The following RBM19 variants were observed in gnomAD, a reference collection of about 807,000 sequenced individuals.
RBM19 encodes RNA binding motif protein 19.
Under a neutral mutation model 116.8 loss-of-function variants are expected in RBM19, and 94 were observed. That is an observed-to-expected ratio of 0.80 (90% CI 0.68 to 0.95). The LOEUF is 0.95. Among genes scored for constraint, RBM19 ranks in the 40% least tolerant of loss-of-function variants. The probability of loss-of-function intolerance (pLI) is 0.00; values close to 1 mark genes in which losing one functional copy is unlikely to be tolerated. For synonymous variants in RBM19, 475 were observed against 494.1 expected (o/e 0.96, Z 0.51); for missense variants, 1,161 against 1,220.7 (o/e 0.95, Z 0.73).
intron 6 of RBM19, 96 bp from the exon 7 acceptor site, chr12:113,955,307 G>A: frequency 1.6e-6 from 2 of 1,214,342 alleles, no homozygotes; most frequent in Non-Finnish European, 1.2e-6. Flanking sequence ...CAGAGAAGGT[G>A]CCTGCCGCCA....
chr12:113,848,440 G>A (rs972651427), intron 22 of RBM19, among the ~76,000 whole-genome samples: 2 of 152,216 alleles, frequency 1.3e-5, no homozygotes, highest in East Asian at 3.8e-4. Context: ...GGCAGTGTGA[G>A]GACAGTGATT....
Position 113,960,045 on chromosome 12 carries a change from G to A in RBM19, c.339+14C>T. 1.2e-6 allele frequency: 2 copies of A among 1,614,200 alleles called. No homozygotes were observed. The highest frequency in any genetic ancestry group is 1.7e-6 in the Non-Finnish European group (2 of 1,180,026). ...TGGCAGTGGGGACAGAGGCTAGAGT[G>A]ACCCTTTACATACTTTCTTAATTTC... On this transcript the variant is annotated intron_variant, in intron 3 of 23. Coordinates refer to ENST00000261741, the MANE Select transcript of RBM19 (RefSeq NM_016196.4).
rs907957893 is a variant in RBM19 at position 113,951,549 on chromosome 12, A to C, written c.1000+963T>G. Reference sequence around the variant, plus strand: ...CACACACACACACAAACACACACACACTCACACACACAAACAAACTGAGGC... The same window carrying C: ...CACACACACACACAAACACACACACCCTCACACACACAAACAAACTGAGGC... On this transcript the variant is annotated intron_variant, in intron 8 of 23. Coordinates refer to ENST00000261741, the MANE Select transcript of RBM19 (RefSeq NM_016196.4). 2.0e-5 allele frequency among the ~76,000 whole-genome samples: 3 copies of C among 150,702 alleles called. No individual in the cohort carries two copies. In the East Asian group the frequency reaches 5.9e-4, roughly 30 times the overall value.
At chr12:113,905,296 C>A (rs910231996) in intron 21 of RBM19, among the ~76,000 whole-genome samples, 20 of 152,160 alleles carry the variant, frequency 1.3e-4, no homozygotes, top group African/African-American at 4.8e-4. Context: ...CAGAAGCAGA[C>A]CCTCACACAC....
chr12:113,873,707 A>AAG (rs71089420), intron 21 of RBM19, among the ~76,000 whole-genome samples: 1 of 147,152 alleles, frequency 6.8e-6, no homozygotes, highest in East Asian at 2.0e-4. Context: ...AAAAAAAAAA[A>AAG]GAAAAGGCAC....
At chr12:113,849,937 G>A (rs1365837720) in intron 22 of RBM19, among the ~76,000 whole-genome samples, 1 of 152,134 alleles carries the variant, frequency 6.6e-6, no homozygotes, top group Non-Finnish European at 1.5e-5. Flanking sequence ...TGGGAGACTG[G>A]AGGAAAGAGG....
rs1371112124 is a variant in RBM19, at chr12:113,927,162, C to T, written c.2136G>A (p.Lys712=). Residue 712 remains lysine (K), a synonymous_variant, in exon 17 of 24, where the codon AAG becomes AAA. Transcript: ENST00000261741. ...TEEGADNSSA[K]MEEEEEEEEE... is the part of the protein sequence containing the mutation. ...CCTCTTCCTCCTCCTCCTCTTCCAT[C>T]TTTGCTGAAGAGTTGTCTGCTCCTT... 2.5e-6 allele frequency: 4 copies of T among 1,602,498 alleles called. No homozygotes were observed. The highest frequency in any genetic ancestry group is 3.4e-6 in the Non-Finnish European group (4 of 1,174,140).
chr12:113,933,435 C>T (rs1375468947), intron 16 of RBM19, among the ~76,000 whole-genome samples: 1 of 152,150 alleles, frequency 6.6e-6, no homozygotes, highest in Non-Finnish European at 1.5e-5. Flanking sequence ...CAGGAGGAGG[C>T]CCTGGAGATC....
chr12:113,837,079 C>CTACATACA (rs59581128), intron 23 of RBM19, among the ~76,000 whole-genome samples: 23,064 of 136,142 alleles, frequency 0.17, 2,515 homozygotes, highest in Middle Eastern at 0.31. Flanking sequence ...CCCCTACTTA[C>CTACATACA]TACATACATA....
At position 113,858,852 on chromosome 12, in the gene RBM19, G is replaced by C. The variant is rs746546423; in HGVS notation, c.2603C>G (p.Thr868Ser). Residue 868 changes from threonine (T) to serine (S), a missense_variant, in exon 22 of 24, where the codon ACT (threonine) becomes AGT (serine). Thr to Ser is a moderately conservative substitution (Grantham distance 58). Coordinates refer to ENST00000261741, the MANE Select transcript of RBM19 (RefSeq NM_016196.4). Reference protein sequence around the residue: ...LKTVRLPKKMTGTGTHRGFGF... With the variant: ...LKTVRLPKKMSGTGTHRGFGF... The stretch of plus-strand genomic sequence containing the variant: ...GAAGCCTCTGTGTGTGCCTGTCCCA[G>C]TCATCTTCTTTGGCAGGCGGACCGT... The C allele has an allele frequency of 6.2e-7, 1 of 1,614,166 alleles. No individual in the cohort carries two copies. Among genetic ancestry groups the C allele is most frequent in the Non-Finnish European group, 8.5e-7 (1 of 1,180,040 alleles).
chr12:113,854,329 G>A (rs969600417), intron 22 of RBM19, among the ~76,000 whole-genome samples: 1 of 152,098 alleles, frequency 6.6e-6, no homozygotes, highest in Non-Finnish European at 1.5e-5. Context: ...TCCAGGTCGT[G>A]TGGTCCCCTG....
chr12:113,951,547 ACACT>A (rs762145925), intron 8 of RBM19, among the ~76,000 whole-genome samples: 3 of 151,120 alleles, frequency 2.0e-5, no homozygotes, highest in Non-Finnish European at 4.4e-5. Flanking sequence ...AAACACACAC[ACACT>A]CACACACACA....
chr12:113,960,662 G>T lies in RBM19; in HGVS notation c.220-484C>A, dbSNP rs1039872297. Among the ~76,000 whole-genome samples, 7 of 152,164 alleles carry T rather than the reference G, an allele frequency of 4.6e-5. No individual in the cohort carries two copies. In the South Asian group the frequency reaches 8.3e-4, roughly 18 times the overall value. ...ACTCTACCGGGCGGCTGTGAGGATGGCATGAGATGACCTGGGCCAAGCACT... is the reference window on the plus strand; with the variant it reads ...ACTCTACCGGGCGGCTGTGAGGATGTCATGAGATGACCTGGGCCAAGCACT... On this transcript the variant is annotated intron_variant, in intron 2 of 23. Coordinates refer to ENST00000261741, the MANE Select transcript of RBM19 (RefSeq NM_016196.4).
intron 21 of RBM19, among the ~76,000 whole-genome samples, chr12:113,891,891 C>T (rs1880986052): frequency 6.6e-6 from 1 of 152,232 alleles, no homozygotes; most frequent in Non-Finnish European, 1.5e-5. Flanking sequence ...TTCCCTCTGT[C>T]TTCCCGCTCA....
At position 113,920,666 on chromosome 12, in the gene RBM19, C is replaced by T. The variant is rs1235877973; in HGVS notation, c.2330G>A (p.Gly777Glu). The change falls in exon 19 of 24, where the codon GGA becomes GAA. Residue 777 changes from glycine (G) to glutamate (E), a missense_variant. Gly to Glu is a moderately conservative substitution (Grantham distance 98, BLOSUM62 -2). Transcript: ENST00000261741. ...CTCCGGCTTCCTGTATTCCACAAAT[C>T]CAAACCCCATGGAAAGGAGCACTCC... ...KAGVLLSMGFGFVEYRKPEQA... is the reference protein window; with the variant it reads ...KAGVLLSMGFEFVEYRKPEQA... 3.3e-5 allele frequency: 54 copies of T among 1,614,010 alleles called. No individual in the cohort carries two copies. The highest frequency in any genetic ancestry group is 4.3e-5 in the Non-Finnish European group (51 of 1,180,004).
intron 21 of RBM19, among the ~76,000 whole-genome samples, chr12:113,886,643 A>C (rs1880537267): frequency 6.6e-6 from 1 of 152,178 alleles, no homozygotes; most frequent in African/African-American, 2.4e-5. Context: ...TGGACCTAAC[A>C]GGCACTTTTC....
At chr12:113,829,437 C>T (rs151013922) in intron 23 of RBM19, among the ~76,000 whole-genome samples, 1 of 152,336 alleles carries the variant, frequency 6.6e-6, no homozygotes, top group East Asian at 1.9e-4. Context: ...CTCAGTGTTC[C>T]CACCTGTTAA....
At chr12:113,919,396 C>A (rs1180113785) in intron 19 of RBM19, among the ~76,000 whole-genome samples, 1 of 152,142 alleles carries the variant, frequency 6.6e-6, no homozygotes, top group Non-Finnish European at 1.5e-5. Context: ...ACGGTGAAAC[C>A]CCGTCTCTAC....
chr12:113,872,421 C>A (rs1879301426), intron 21 of RBM19, among the ~76,000 whole-genome samples: 1 of 147,204 alleles, frequency 6.8e-6, no homozygotes, highest in African/African-American at 2.5e-5. Context: ...GCCCGGCCAG[C>A]CGCCCCGTCT....
Sources: gnomAD v4.1 joint callset for allele counts (sites outside exome capture counted in the v4.1 genomes callset) on GRCh38, gnomAD v4.1.1 for gene constraint, MANE v1.5 for transcripts, NCBI Gene and HGNC (gene_info 2026-07-23, HGNC 2026-07-21) for gene names.